SCRT2: variants seen among roughly 807,000 people sequenced by gnomAD.
SCRT2 encodes the protein scratch family transcriptional repressor 2, also known as transcriptional repressor scratch 2.
In SCRT2, 2 loss-of-function variants were observed where a neutral mutation model predicts 3.7. The ratio of observed to expected loss-of-function variants is 0.54; its 90% CI spans 0.22 to 1.70. SCRT2 has a LOEUF of 1.70. Ranked by LOEUF, SCRT2 falls within the 40% of genes most tolerant of loss-of-function variation. SCRT2 has a pLI of 0.19. For synonymous variants in SCRT2, 256 were observed against 220.6 expected, an observed-to-expected ratio of 1.16 and a Z score of -1.42; for missense variants, 456 against 468.5, an observed-to-expected ratio of 0.97 and a Z score of 0.25.
In SCRT2 at chr20:663,629, G is replaced by C. The variant is rs889991399; in HGVS notation, c.*42C>G. 12 of 1,343,478 alleles carry C rather than the reference G, an allele frequency of 8.9e-6. No individual in the cohort carries two copies. Among genetic ancestry groups the C allele is most frequent in the Non-Finnish European group, 1.1e-5 (12 of 1,054,424 alleles). The allele number at this position is 1,343,478 out of a possible 1,614,324, so 83.2% of individuals were successfully genotyped here. ...CGGGCGCAGGTAGGGGGCCCGGGGC[G>C]CGTGGAGAGCGAGTTCCGGGCGCGA... On this transcript the variant is annotated 3_prime_UTR_variant, in exon 2 of 2. Coordinates refer to ENST00000246104, the MANE Select transcript of SCRT2 (RefSeq NM_033129.4). This position sits in a 1 kb window ranked among gnomAD's most constrained non-coding sequence, Gnocchi z 6.9.
chr20:672,860 A>G (rs1229365641), intron 1 of SCRT2, among the ~76,000 whole-genome samples: 1 of 151,368 alleles, frequency 6.6e-6, no homozygotes, highest in African/African-American at 2.4e-5. Context: ...CGGCTCAGCA[A>G]TTTTTCACAC....
In SCRT2 at chr20:666,499, C is replaced by T. The variant is rs1046711616; in HGVS notation, c.134-2038G>A. Among the ~76,000 whole-genome samples the T allele has an allele frequency of 6.6e-6, 1 of 152,206 alleles. No homozygotes were observed. Among genetic ancestry groups the T allele is most frequent in the African/African-American group, 2.4e-5 (1 of 41,452 alleles). The stretch of plus-strand genomic sequence containing the variant: ...CAGGCTCTGTGCTAAGTGCTTCGCT[C>T]CCATCATCTCACTGAATCATCACAA... On this transcript the variant is annotated intron_variant, in intron 1 of 1. Coordinates refer to ENST00000246104, the MANE Select transcript of SCRT2 (RefSeq NM_033129.4). This position sits in a 1 kb window ranked among gnomAD's most constrained non-coding sequence, Gnocchi z 4.4.
Position 664,270 on chromosome 20 carries a change from C to T in SCRT2, c.325G>A (p.Asp109Asn). The change falls in exon 2 of 2, where the codon GAC becomes AAC. Residue 109 changes from aspartate (D) to asparagine (N), a missense_variant. Asp to Asn is a conservative substitution (Grantham distance 23). This residue lies in a region of SCRT2 where 306 missense variants were observed against 305.3 expected (regional missense o/e 1.00). Transcript: ENST00000246104. The surrounding 1 kb of genome is among the most constrained non-coding windows in gnomAD (Gnocchi z 7.9). ...EAAVTDSYSM[D>N]AFFISDGRSR... is the part of the protein sequence containing the mutation. The stretch of plus-strand genomic sequence containing the variant: ...CGCCCGTCCGAGATGAAGAAGGCGT[C>T]CATGGAGTAGCTGTCGGTCACTGCC... 1.4e-6 allele frequency: 2 copies of T among 1,440,432 alleles called. No individual in the cohort carries two copies. Among genetic ancestry groups the T allele is most frequent in the Non-Finnish European group, 1.8e-6 (2 of 1,084,544 alleles). 89.2% of individuals were successfully genotyped at this position (1,440,432 alleles called of 1,614,324 possible). A position where few individuals can be genotyped will look rare whatever the true frequency, so the allele number is the denominator to read the frequency against.
chr20:671,925 G>A (rs1984345985), intron 1 of SCRT2, among the ~76,000 whole-genome samples: 1 of 152,156 alleles, frequency 6.6e-6, no homozygotes, highest in South Asian at 2.1e-4. Flanking sequence ...AGATATTCTT[G>A]GCAGGGGCCC....
At chr20:673,623 C>T (rs1449195900) in intron 1 of SCRT2, among the ~76,000 whole-genome samples, 4 of 152,236 alleles carry the variant, frequency 2.6e-5, no homozygotes, top group Non-Finnish European at 5.9e-5. Context: ...AAACACCCTG[C>T]TGGTGGCTCT....
At position 674,688 on chromosome 20, in the gene SCRT2, AGTGTGTGTGT is replaced by A. The variant is rs759385819; in HGVS notation, c.133+771_133+780del. On this transcript the variant is annotated intron_variant, in intron 1 of 1. Coordinates refer to ENST00000246104, the MANE Select transcript of SCRT2 (RefSeq NM_033129.4). ...AGGAACTTGTTCTGAGAAGAGATGG[AGTGTGTGTGT>A]GTGTGTGTGTGTGTGTGTGTGTGTG... Among the ~76,000 whole-genome samples the A allele has an allele frequency of 5.2e-4, 67 of 129,446 alleles. No individual in the cohort carries two copies. In the East Asian group the frequency reaches 0.011, roughly 21 times the overall value. The allele number at this position is 129,446 out of a possible 152,430, so 84.9% of individuals were successfully genotyped here.
rs900713201 is a variant in SCRT2, at chr20:667,820, A to C, written c.134-3359T>G. ...GAGTTTGTGTGGTCATGTTAGGAGG[A>C]GGTGGTTCTAACTTGCTTTGTGACT... On this transcript the variant is annotated intron_variant, in intron 1 of 1. Transcript: ENST00000246104. This position sits in a 1 kb window ranked among gnomAD's most constrained non-coding sequence, Gnocchi z 4.4. Among the ~76,000 whole-genome samples, 3 of 152,058 alleles carry C rather than the reference A, an allele frequency of 2.0e-5. No individual in the cohort carries two copies. The highest frequency in any genetic ancestry group is 2.9e-5 in the Non-Finnish European group (2 of 68,004).
chr20:668,602 A>G (rs144677801), intron 1 of SCRT2, among the ~76,000 whole-genome samples: 133 of 152,346 alleles, frequency 8.7e-4, no homozygotes, highest in African/African-American at 3.2e-3. Context: ...AATGTGGACC[A>G]GAGGCACCCC....
chr20:672,650 G>A (rs1387672790), intron 1 of SCRT2, among the ~76,000 whole-genome samples: 2 of 144,006 alleles, frequency 1.4e-5, no homozygotes, highest in South Asian at 2.2e-4. Flanking sequence ...CCTGCAGCCC[G>A]AGCTGCAGGA....
rs940059172 is a variant in SCRT2, at chr20:666,780, A to G, written c.134-2319T>C. 2.0e-5 allele frequency among the ~76,000 whole-genome samples: 3 copies of G among 152,242 alleles called. No homozygotes were observed. The highest frequency in any genetic ancestry group is 2.9e-5 in the Non-Finnish European group (2 of 68,044). ...ACTCCCCAGCCTAGCAGGACCTGGT[A>G]TAGACAGTCCTGTTCACCTGGTCTC... On this transcript the variant is annotated intron_variant, in intron 1 of 1. Transcript: ENST00000246104. This position sits in a 1 kb window ranked among gnomAD's most constrained non-coding sequence, Gnocchi z 4.4.
chr20:663,713 C>T lies in SCRT2; in HGVS notation c.882G>A (p.Ala294=). 6.6e-7 allele frequency: 1 copy of T among 1,525,074 alleles called. No individual in the cohort carries two copies. The highest frequency in any genetic ancestry group is 8.8e-7 in the Non-Finnish European group (1 of 1,138,706). 94.5% of individuals were successfully genotyped at this position (1,525,074 alleles called of 1,614,324 possible). A position where few individuals can be genotyped will look rare whatever the true frequency, so the allele number is the denominator to read the frequency against. ...HKHCEAACAK[A]AEPPPPTPAG... ...CGGGGGTCGGCGGGGGTGGCTCGGC[C>T]GCCTTGGCGCAGGCCGCCTCGCAGT... Residue 294 remains alanine, a synonymous_variant, in exon 2 of 2, where the codon GCG becomes GCA. Transcript: ENST00000246104. The surrounding 1 kb of genome is among the most constrained non-coding windows in gnomAD (Gnocchi z 6.9).
Position 663,816 on chromosome 20 carries a change from T to C in SCRT2, c.779A>G (p.Gln260Arg). 1 of 1,597,346 alleles carries C rather than the reference T, an allele frequency of 6.3e-7. No homozygotes were observed. Among genetic ancestry groups the C allele is most frequent in the Non-Finnish European group, 8.5e-7 (1 of 1,174,030 alleles). ...ADRSNLRAHMQTHSAFKHYRC... is the reference protein window; with the variant it reads ...ADRSNLRAHMRTHSAFKHYRC... ...GTAGTGCTTGAAGGCCGAGTGCGTC[T>C]GCATGTGCGCGCGCAGGTTGGAGCG... The change falls in exon 2 of 2, where the codon CAG becomes CGG. Residue 260 changes from glutamine (Q) to arginine (R), a missense_variant. Coordinates refer to ENST00000246104, the MANE Select transcript of SCRT2 (RefSeq NM_033129.4). This position sits in a 1 kb window ranked among gnomAD's most constrained non-coding sequence, Gnocchi z 6.9.
rs1176621963 is a variant in SCRT2 at position 666,201 on chromosome 20, A to G, written c.134-1740T>C. 1.3e-5 allele frequency among the ~76,000 whole-genome samples: 2 copies of G among 151,894 alleles called. No homozygotes were observed. Among genetic ancestry groups the G allele is most frequent in the East Asian group, 1.9e-4 (1 of 5,172 alleles). On this transcript the variant is annotated intron_variant, in intron 1 of 1. Transcript: ENST00000246104. The surrounding 1 kb of genome is among the most constrained non-coding windows in gnomAD (Gnocchi z 4.4). ...GTAAAGGGGGATAGTGATAGTGGCAATTTTTTAATCTGGGGAGAGGAGATG... is the reference window on the plus strand; with the variant it reads ...GTAAAGGGGGATAGTGATAGTGGCAGTTTTTTAATCTGGGGAGAGGAGATG...
At position 664,113 on chromosome 20, in the gene SCRT2, C is replaced by G; in HGVS notation, c.482G>C (p.Gly161Ala). The G allele has an allele frequency of 6.3e-7, 1 of 1,596,812 alleles. No homozygotes were observed. Residue 161 changes from glycine (G) to alanine (A), a missense_variant, in exon 2 of 2, where the codon GGC (glycine) becomes GCC (alanine). Transcript: ENST00000246104. The surrounding 1 kb of genome is among the most constrained non-coding windows in gnomAD (Gnocchi z 7.9). ...GGHRHACAEC[G>A]KTYATSSNLS... ...GTTCGACGACGTGGCGTAGGTCTTG[C>G]CGCACTCGGCGCACGCGTGCCGGTG...
chr20:666,697 A>AGT lies in SCRT2; in HGVS notation c.134-2238_134-2237dup, dbSNP rs954705001. On this transcript the variant is annotated intron_variant, in intron 1 of 1. Coordinates refer to ENST00000246104, the MANE Select transcript of SCRT2 (RefSeq NM_033129.4). This position sits in a 1 kb window ranked among gnomAD's most constrained non-coding sequence, Gnocchi z 4.4. ...ACCTCCCATTCCCAGGGCCCTAGCT[A>AGT]GTGGGCACTTAATAAGTATTTGTGG... Among the ~76,000 whole-genome samples the AGT allele has an allele frequency of 5.3e-5, 8 of 152,146 alleles. No homozygotes were observed. Among genetic ancestry groups the AGT allele is most frequent in the Admixed American group, 5.2e-4 (8 of 15,276 alleles).
intron 1 of SCRT2, among the ~76,000 whole-genome samples, chr20:674,276 C>A (rs576059056): frequency 6.6e-6 from 1 of 151,690 alleles, no homozygotes; most frequent in East Asian, 1.9e-4. Flanking sequence ...CCCCATCCTC[C>A]CAGGCTCCTG....
chr20:666,708 A>G lies in SCRT2; in HGVS notation c.134-2247T>C, dbSNP rs1047997229. ...CCAGGGCCCTAGCTAGTGGGCACTT[A>G]ATAAGTATTTGTGGAATGAGTGATG... is the stretch of plus-strand genomic sequence containing the variant. On this transcript the variant is annotated intron_variant, in intron 1 of 1. Coordinates refer to ENST00000246104, the MANE Select transcript of SCRT2 (RefSeq NM_033129.4). This position sits in a 1 kb window ranked among gnomAD's most constrained non-coding sequence, Gnocchi z 4.4. 2.1e-4 allele frequency among the ~76,000 whole-genome samples: 32 copies of G among 152,274 alleles called. No homozygotes were observed. Among genetic ancestry groups the G allele is most frequent in the African/African-American group, 7.5e-4 (31 of 41,542 alleles).
Position 666,310 on chromosome 20 carries a change from C to T in SCRT2, c.134-1849G>A, listed in dbSNP as rs945968683. ...CTGCTTCCCACTCCGGGAACCAGGC[C>T]TGGTACTCAGGTCCCAGAACATTCA... On this transcript the variant is annotated intron_variant, in intron 1 of 1. Coordinates refer to ENST00000246104, the MANE Select transcript of SCRT2 (RefSeq NM_033129.4). The surrounding 1 kb of genome is among the most constrained non-coding windows in gnomAD (Gnocchi z 4.4). 1.3e-5 allele frequency among the ~76,000 whole-genome samples: 2 copies of T among 152,098 alleles called. No individual in the cohort carries two copies. Among genetic ancestry groups the T allele is most frequent in the Non-Finnish European group, 2.9e-5 (2 of 68,012 alleles).
rs533367287 is a variant in SCRT2, at chr20:675,715, C to A, written c.-114G>T. ...CCCAGCGGGCTGGAGCGCGGGAGGC[C>A]GCTCGGAGCCGGCACCGGTGGCGGC... is the stretch of plus-strand genomic sequence containing the variant. On this transcript the variant is annotated 5_prime_UTR_variant, in exon 1 of 2. Coordinates refer to ENST00000246104, the MANE Select transcript of SCRT2 (RefSeq NM_033129.4). This position sits in a 1 kb window ranked among gnomAD's most constrained non-coding sequence, Gnocchi z 6.9. 1 of 719,742 alleles carries A rather than the reference C, an allele frequency of 1.4e-6. No homozygotes were observed. The allele number at this position is 719,742 out of a possible 1,614,324, so 44.6% of individuals were successfully genotyped here.
Sources: allele counts gnomAD v4.1 joint callset (sites outside exome capture counted in the v4.1 genomes callset), GRCh38; gene constraint gnomAD v4.1.1; regional missense constraint gnomAD v4.1.1; non-coding constraint Gnocchi (gnomAD v3.1); transcripts MANE v1.5; gene names NCBI Gene and HGNC (gene_info 2026-07-23, HGNC 2026-07-21).